The following UBA6 variants were observed in gnomAD, a reference collection of about 807,000 sequenced individuals.
UBA6 encodes the protein ubiquitin-like modifier-activating enzyme 6.
Under a neutral mutation model 148.3 loss-of-function variants are expected in UBA6, and 87 were observed. The ratio of observed to expected loss-of-function variants is 0.59; its 90% CI spans 0.49 to 0.70. UBA6 has a LOEUF of 0.70. Ranked by LOEUF, UBA6 falls within the 30% of genes least tolerant of loss-of-function variation. The probability of loss-of-function intolerance (pLI) is 0.00; values close to 1 mark genes in which losing one functional copy is unlikely to be tolerated. For synonymous variants in UBA6, 376 were observed against 401.0 expected (o/e 0.94, Z 0.75); for missense variants, 1,186 against 1,241.2 (o/e 0.96, Z 0.67).
intron 13 of UBA6, among the ~76,000 whole-genome samples, chr4:67,653,386 C>A (rs1359473417): frequency 6.6e-6 from 1 of 152,160 alleles, no homozygotes; most frequent in Admixed American, 6.6e-5. Context: ...GATACCCAGG[C>A]AAACAGGGTC....
chr4:67,668,715 T>C lies in UBA6; in HGVS notation c.670-41A>G, dbSNP rs775838153. On this transcript the variant is annotated intron_variant, in intron 8 of 32. Transcript: ENST00000322244. ...ATCTATTAAAAAAGAACTTCTTTTT[T>C]GTATTCTTTGTGTACAAATTCAAAT... 4.5e-6 allele frequency: 7 copies of C among 1,552,864 alleles called. No individual in the cohort carries two copies. The South Asian group carries it at 8.3e-5, about 18-fold the overall frequency.
chr4:67,646,691 T>C, intron 15 of UBA6, 33 bp downstream of exon 15: 5 of 1,537,970 alleles, frequency 3.3e-6, no homozygotes, highest in Non-Finnish European at 4.5e-6. Context: ...TCTATTTGCC[T>C]GTTAGTAAAA....
chr4:67,642,994 C>T (rs1255950031), intron 17 of UBA6, among the ~76,000 whole-genome samples: 3 of 151,640 alleles, frequency 2.0e-5, no homozygotes, highest in Non-Finnish European at 2.9e-5. Context: ...TTAATATTAG[C>T]GATTATACAG....
chr4:67,699,204 G>A (rs1351907799), intron 1 of UBA6, among the ~76,000 whole-genome samples: 1 of 152,180 alleles, frequency 6.6e-6, no homozygotes, highest in Non-Finnish European at 1.5e-5. Context: ...CTGAACCACT[G>A]TGAGAGCTGA....
intron 7 of UBA6, among the ~76,000 whole-genome samples, chr4:67,671,781 C>A (rs1730155444): frequency 6.6e-6 from 1 of 152,100 alleles, no homozygotes; most frequent in South Asian, 2.1e-4. Context: ...AGTGGAACAA[C>A]CCCAAAAACA....
At chr4:67,665,437 T>TG (rs57822153) in intron 9 of UBA6, 145 bp from the exon 10 acceptor site, 99,293 of 514,396 alleles carry the variant, frequency 0.19, 10,961 homozygotes, top group Middle Eastern at 0.22. Context: ...GTTTGTTTTT[T>TG]TTTTTTTTTA....
chr4:67,700,575 T>C (rs1346674118), intron 1 of UBA6, among the ~76,000 whole-genome samples: 1 of 151,648 alleles, frequency 6.6e-6, no homozygotes, highest in Non-Finnish European at 1.5e-5. Flanking sequence ...CCTCAGGGTG[T>C]CCAGATTGCT....
chr4:67,687,916 A>G (rs1376459187), intron 2 of UBA6, among the ~76,000 whole-genome samples: 1 of 152,236 alleles, frequency 6.6e-6, no homozygotes, highest in East Asian at 1.9e-4. Context: ...AAAGAAAAAG[A>G]AAAATCCTAA....
chr4:67,631,378 G>A (rs961597858), intron 25 of UBA6, among the ~76,000 whole-genome samples: 3 of 152,136 alleles, frequency 2.0e-5, no homozygotes, highest in Non-Finnish European at 4.4e-5. Flanking sequence ...TATAACTGAA[G>A]ATTCTTATAT....
At chr4:67,662,391 C>T (rs919643058) in intron 12 of UBA6, 136 bp from the exon 13 acceptor site, 2 of 625,244 alleles carry the variant, frequency 3.2e-6, no homozygotes, top group Non-Finnish European at 5.5e-6. Context: ...AAATGTTGTA[C>T]TGATTTAAAG....
intron 7 of UBA6, 113 bp from the exon 8 acceptor site, chr4:67,670,705 C>A: frequency 3.9e-6 from 3 of 774,536 alleles, no homozygotes; most frequent in Non-Finnish European, 6.5e-6. Context: ...CTTACACAAC[C>A]TATAGAATAC....
chr4:67,618,721 T>C lies in UBA6; in HGVS notation c.*276A>G. The C allele has an allele frequency of 3.6e-6, 1 of 279,584 alleles. No individual in the cohort carries two copies. The highest frequency in any genetic ancestry group is 6.6e-6 in the Non-Finnish European group (1 of 151,330). 17.3% of individuals were successfully genotyped at this position (279,584 alleles called of 1,614,324 possible). A position where few individuals can be genotyped will look rare whatever the true frequency, so the allele number is the denominator to read the frequency against. On this transcript the variant is annotated 3_prime_UTR_variant, in exon 33 of 33. Coordinates refer to ENST00000322244, the MANE Select transcript of UBA6 (RefSeq NM_018227.6). ...TTTTCCTTCTTTTTATCCAGAGAGA[T>C]TAATACACAGATTAATACACAAAAC...
At chr4:67,665,470 G>C (rs545259985) in intron 9 of UBA6, among the ~76,000 whole-genome samples, 178 bp from the exon 10 acceptor site, 4 of 147,338 alleles carry the variant, frequency 2.7e-5, no homozygotes, top group Non-Finnish European at 6.0e-5. Flanking sequence ...GAGGAGTGTG[G>C]GGAACTAGGC....
chr4:67,616,066 T>G lies in UBA6; in HGVS notation c.*2931A>C, dbSNP rs72642348. 53,181 of 392,530 alleles carry G rather than the reference T, an allele frequency of 0.14. 3,876 individuals are homozygous for G. The highest frequency in any genetic ancestry group is 0.22 in the Middle Eastern group (342 of 1,538). The allele number at this position is 392,530 out of a possible 1,614,324, so 24.3% of individuals were successfully genotyped here. Reference sequence around the variant, plus strand: ...TATATGTGTTTTTGAAAAATATATATTTCTCAATAAAAAAACAAAGTTATG... The same window carrying G: ...TATATGTGTTTTTGAAAAATATATAGTTCTCAATAAAAAAACAAAGTTATG... On this transcript the variant is annotated 3_prime_UTR_variant, in exon 33 of 33. Coordinates refer to ENST00000322244, the MANE Select transcript of UBA6 (RefSeq NM_018227.6).
Position 67,690,283 on chromosome 4 carries a change from T to C in UBA6, c.134+6362A>G, listed in dbSNP as rs75580189. On this transcript the variant is annotated intron_variant, in intron 2 of 32. Transcript: ENST00000322244. ...GCAAAAGAATGAAACTGGACCCTTA[T>C]ACCATACAAAATAATCAAATCAAAA... 8.3e-3 allele frequency among the ~76,000 whole-genome samples: 1,261 copies of C among 152,156 alleles called. 15 individuals are homozygous for C. Among genetic ancestry groups the C allele is most frequent in the Non-Finnish European group, 0.013 (865 of 67,896 alleles).
chr4:67,695,394 C>A (rs1413943393), intron 2 of UBA6, among the ~76,000 whole-genome samples: 1 of 152,190 alleles, frequency 6.6e-6, no homozygotes, highest in African/African-American at 2.4e-5. Context: ...GACTTCTTAT[C>A]ACTTAAGCCT....
intron 27 of UBA6, among the ~76,000 whole-genome samples, chr4:67,627,077 G>A (rs1279678630): frequency 6.6e-6 from 1 of 151,864 alleles, no homozygotes; most frequent in Non-Finnish European, 1.5e-5. Context: ...GTAGGATTAA[G>A]GGAGTACATA....
intron 20 of UBA6, 77 bp from the exon 21 acceptor site, chr4:67,634,595 C>G (rs957255183): frequency 9.8e-7 from 1 of 1,021,970 alleles, no homozygotes; most frequent in African/African-American, 1.7e-5. Context: ...TAGTTTTGAG[C>G]TTTAAGCCTA....
rs534363964 is a variant in UBA6 at position 67,613,484 on chromosome 4, G to C, written c.*5513C>G. On this transcript the variant is annotated 3_prime_UTR_variant, in exon 33 of 33. Coordinates refer to ENST00000322244, the MANE Select transcript of UBA6 (RefSeq NM_018227.6). ...AGCAAGACAATTAGAAACTGCAGGAGTGACAAATTTACATGCTTTCAATTA... is the reference window on the plus strand; with the variant it reads ...AGCAAGACAATTAGAAACTGCAGGACTGACAAATTTACATGCTTTCAATTA... 2 of 152,268 alleles carry C rather than the reference G, an allele frequency of 1.3e-5. No individual in the cohort carries two copies. Among genetic ancestry groups the C allele is most frequent in the East Asian group, 3.9e-4 (2 of 5,170 alleles). 9.4% of individuals were successfully genotyped at this position (152,268 alleles called of 1,614,324 possible).
Sources: allele counts gnomAD v4.1 joint callset (sites outside exome capture counted in the v4.1 genomes callset), GRCh38; gene constraint gnomAD v4.1.1; transcripts MANE v1.5; gene names NCBI Gene and HGNC (gene_info 2026-07-23, HGNC 2026-07-21).